ADGRV1: variants seen among roughly 807,000 people sequenced by gnomAD.
ADGRV1 encodes G-protein coupled receptor 98.
A neutral mutation model predicts 596.2 loss-of-function variants in ADGRV1; 359 were observed. That is an observed-to-expected ratio of 0.60 (90% CI 0.55 to 0.66). The LOEUF is 0.66. Ranked by LOEUF, ADGRV1 falls within the 30% of genes least tolerant of loss-of-function variation. The pLI is 0.00. For synonymous variants in ADGRV1, 2,681 were observed against 2,679.2 expected (o/e 1.00, Z -0.02); for missense variants, 7,274 against 7,575.6 (o/e 0.96, Z 1.48).
In ADGRV1 at chr5:90,712,392, CCTT is replaced by C. The variant is rs1580828441; in HGVS notation, c.9151_9153del (p.Ser3051del). ...AAAATTTCAGCTGATTTTAACAAAT[CCTT>C]CTCCTGGACTAGAGCTAGGGAAAAA... On this transcript the variant is annotated inframe_deletion, in exon 42 of 90. Transcript: ENST00000405460. 1.3e-6 allele frequency: 2 copies of C among 1,589,854 alleles called. No homozygotes were observed. The highest frequency in any genetic ancestry group is 2.7e-5 in the African/African-American group (2 of 74,526).
chr5:90,873,272 G>T (rs1404089407), intron 83 of ADGRV1, among the ~76,000 whole-genome samples: 2 of 152,154 alleles, frequency 1.3e-5, no homozygotes, highest in Non-Finnish European at 2.9e-5. Flanking sequence ...CATCTTTCGG[G>T]AACATACACT....
intron 83 of ADGRV1, among the ~76,000 whole-genome samples, chr5:90,927,053 A>G (rs1232419925): frequency 6.8e-6 from 1 of 147,254 alleles, no homozygotes; most frequent in Non-Finnish European, 1.5e-5. Flanking sequence ...TTTACTTCCA[A>G]GTATGTGGTC....
At chr5:91,058,780 T>C (rs1787136938) in intron 85 of ADGRV1, among the ~76,000 whole-genome samples, 1 of 152,078 alleles carries the variant, frequency 6.6e-6, no homozygotes, top group Non-Finnish European at 1.5e-5. Context: ...AAGGGAAAGT[T>C]TTCCTCCTTC....
At chr5:90,729,005 T>C (rs1304455305) in intron 49 of ADGRV1, 72 bp downstream of exon 49, 13 of 1,067,162 alleles carry the variant, frequency 1.2e-5, no homozygotes, top group Non-Finnish European at 1.6e-5. Flanking sequence ...GTATATTTTA[T>C]ATGAAAATGC....
intron 10 of ADGRV1, 73 bp downstream of exon 10, chr5:90,635,363 G>A: frequency 7.4e-7 from 1 of 1,346,564 alleles, no homozygotes; most frequent in Non-Finnish European, 1.0e-6. Context: ...TTTAAAATAA[G>A]ATCAGCATAT....
At chr5:90,885,798 TA>T (rs1295178768) in intron 83 of ADGRV1, among the ~76,000 whole-genome samples, 2 of 152,110 alleles carry the variant, frequency 1.3e-5, no homozygotes, top group Non-Finnish European at 2.9e-5. Flanking sequence ...CTTTTATTCT[TA>T]GCCTATTGTT....
intron 85 of ADGRV1, among the ~76,000 whole-genome samples, chr5:91,008,191 T>C (rs1354674090): frequency 6.6e-6 from 1 of 152,194 alleles, no homozygotes; most frequent in East Asian, 1.9e-4. Flanking sequence ...GAACCTATCC[T>C]GACAGTGTTG....
chr5:90,975,118 T>C (rs4916700), intron 84 of ADGRV1, among the ~76,000 whole-genome samples: 111,862 of 150,298 alleles, frequency 0.74, 42,489 homozygotes, highest in African/African-American at 0.89. Flanking sequence ...AATCACTGGC[T>C]ATCAGAGAAA....
chr5:90,711,905 T>A (rs889344352), intron 41 of ADGRV1, among the ~76,000 whole-genome samples: 1 of 152,058 alleles, frequency 6.6e-6, no homozygotes, highest in Non-Finnish European at 1.5e-5. Flanking sequence ...GCCTCCTGAG[T>A]AGCTGGGATT....
At chr5:91,047,418 C>T (rs904689639) in intron 85 of ADGRV1, among the ~76,000 whole-genome samples, 1 of 152,110 alleles carries the variant, frequency 6.6e-6, no homozygotes, top group Non-Finnish European at 1.5e-5. Context: ...AGCAACGAAG[C>T]CAGTCCAAGT....
intron 83 of ADGRV1, among the ~76,000 whole-genome samples, chr5:90,916,657 G>A (rs1439315456): frequency 9.5e-6 from 1 of 105,728 alleles, no homozygotes; most frequent in Non-Finnish European, 2.0e-5. Flanking sequence ...TTTTGAGACG[G>A]AGTCTCGCTC....
intron 10 of ADGRV1, among the ~76,000 whole-genome samples, chr5:90,636,237 T>G (rs917446386): frequency 5.4e-5 from 8 of 148,588 alleles, no homozygotes; most frequent in African/African-American, 2.0e-4. Context: ...TCCTGAGTCA[T>G]AGTTGATCCC....
intron 85 of ADGRV1, among the ~76,000 whole-genome samples, chr5:90,997,242 G>A (rs1172109735): frequency 6.6e-6 from 1 of 152,158 alleles, no homozygotes; most frequent in East Asian, 1.9e-4. Context: ...TGTTGGAGGT[G>A]GGGCCTAGCG....
intron 87 of ADGRV1, 38 bp downstream of exon 87, chr5:91,102,378 A>T (rs1562222211): frequency 1.3e-6 from 2 of 1,530,822 alleles, no homozygotes; most frequent in Non-Finnish European, 1.8e-6. Flanking sequence ...ACATACATTT[A>T]TCTTAATGAA....
chr5:90,940,971 T>C (rs1776122816), intron 83 of ADGRV1, among the ~76,000 whole-genome samples: 1 of 152,154 alleles, frequency 6.6e-6, no homozygotes, highest in African/African-American at 2.4e-5. Flanking sequence ...ACAGCAGTGC[T>C]TTTTGCATTT....
intron 83 of ADGRV1, 100 bp downstream of exon 83, chr5:90,863,957 A>G: frequency 2.6e-6 from 2 of 763,716 alleles, no homozygotes; most frequent in Middle Eastern, 2.5e-4. Flanking sequence ...ATCTCAACTT[A>G]GTTGAAATAA....
At chr5:91,141,843 A>G (rs140057034) in intron 87 of ADGRV1, among the ~76,000 whole-genome samples, 57 of 152,300 alleles carry the variant, frequency 3.7e-4, no homozygotes, top group Non-Finnish European at 6.6e-4. Context: ...CAAAAGCAAC[A>G]AGCCCTCTAA....
chr5:91,031,165 G>T, intron 85 of ADGRV1: 2 of 1,428,446 alleles, frequency 1.4e-6, no homozygotes, highest in Non-Finnish European at 2.0e-6. Context: ...AAAAATAATT[G>T]TCCACAACCA....
rs1312923013 is a variant in ADGRV1, at chr5:91,163,804, T to G, written c.18825T>G (p.Asp6275Glu). Residue 6275 changes from aspartate (D) to glutamate (E), a missense_variant, in exon 90 of 90, where the codon GAT (aspartate) becomes GAG (glutamate). Physicochemically the swap from Asp to Glu is conservative, Grantham distance 45 (BLOSUM62 2). Coordinates refer to ENST00000405460, the MANE Select transcript of ADGRV1 (RefSeq NM_032119.4). ...CAGGTGCTGGTCTCAGTGTCAGTGA[T>G]AATGAATCTGGTCAAGGCAGCCAGG... ...LKTGAGLSVS[D>E]NESGQGSQEG... is the part of the protein sequence containing the mutation. The G allele has an allele frequency of 6.3e-7, 1 of 1,577,888 alleles. No individual in the cohort carries two copies. Among genetic ancestry groups the G allele is most frequent in the South Asian group, 1.1e-5 (1 of 88,258 alleles).
Sources: gnomAD v4.1 joint callset for allele counts (sites outside exome capture counted in the v4.1 genomes callset) on GRCh38, gnomAD v4.1.1 for gene constraint, MANE v1.5 for transcripts, NCBI Gene and HGNC (gene_info 2026-07-23, HGNC 2026-07-21) for gene names.